The following ATG10 variants were observed in gnomAD, a reference collection of about 807,000 sequenced individuals.
ATG10 encodes autophagy related 10.
Under a neutral mutation model 32.1 loss-of-function variants are expected in ATG10, and 30 were observed. The ratio of observed to expected loss-of-function variants is 0.94; its 90% CI spans 0.70 to 1.27. The LOEUF (loss-of-function observed/expected upper bound fraction) is 1.27. ATG10 is among the 50% of genes most tolerant of loss of function. ATG10 has a pLI of 0.00. For synonymous variants in ATG10, 87 were observed against 91.5 expected (o/e 0.95, Z 0.28); for missense variants, 233 against 262.3 (o/e 0.89, Z 0.77).
chr5:81,983,590 G>A (rs1761141438), intron 1 of ATG10, among the ~76,000 whole-genome samples: 2 of 148,866 alleles, frequency 1.3e-5, no homozygotes, highest in Middle Eastern at 3.6e-3. Flanking sequence ...GGGCGGCCGG[G>A]CAGAGGCGCC....
At chr5:82,042,301 C>A (rs1295529726) in intron 2 of ATG10, among the ~76,000 whole-genome samples, 1 of 152,096 alleles carries the variant, frequency 6.6e-6, no homozygotes, top group African/African-American at 2.4e-5. Context: ...TTTAAACCAT[C>A]AGATTTTGTG....
chr5:81,972,391 G>A (rs1760747924), intron 1 of ATG10, 85 bp downstream of exon 1: 1 of 152,742 alleles, frequency 6.5e-6, no homozygotes, highest in Non-Finnish European at 1.5e-5. Flanking sequence ...AGGACAGGGA[G>A]GAAGGGCACG....
At chr5:82,182,574 G>A (rs548200962) in intron 5 of ATG10, among the ~76,000 whole-genome samples, 13 of 152,160 alleles carry the variant, frequency 8.5e-5, no homozygotes, top group African/African-American at 1.7e-4. Flanking sequence ...TCAGCAACCC[G>A]GATGAATCTT....
At chr5:82,192,979 G>A (rs576976805) in intron 5 of ATG10, among the ~76,000 whole-genome samples, 1 of 152,272 alleles carries the variant, frequency 6.6e-6, no homozygotes, top group Non-Finnish European at 1.5e-5. Flanking sequence ...TTTCTCAGGA[G>A]AGACCTTCAG....
intron 5 of ATG10, among the ~76,000 whole-genome samples, chr5:82,200,193 T>C (rs749729467): frequency 1.3e-5 from 2 of 152,166 alleles, no homozygotes; most frequent in Admixed American, 1.3e-4. Flanking sequence ...TTTTTTTTAA[T>C]GCCAGACTAT....
chr5:82,112,904 G>A (rs546915540), intron 3 of ATG10, among the ~76,000 whole-genome samples: 2 of 151,858 alleles, frequency 1.3e-5, no homozygotes, highest in South Asian at 4.2e-4. Flanking sequence ...ATCAGCCTTG[G>A]GATATCAGAT....
At position 82,177,359 on chromosome 5, in the gene ATG10, T is replaced by A. The variant is rs1744071700; in HGVS notation, c.356-1131T>A. Among the ~76,000 whole-genome samples the A allele has an allele frequency of 2.0e-5, 3 of 152,168 alleles. No homozygotes were observed. In the South Asian group the frequency reaches 6.2e-4, roughly 32 times the overall value. On this transcript the variant is annotated intron_variant, in intron 4 of 7. Coordinates refer to ENST00000282185, the MANE Select transcript of ATG10 (RefSeq NM_031482.5). ...ATACATTTCTACTTATACTTGAAAG[T>A]CTTAATACAGTGATTTTTGGAGCTC...
At chr5:82,108,096 G>A (rs984180076) in intron 3 of ATG10, among the ~76,000 whole-genome samples, 2 of 151,978 alleles carry the variant, frequency 1.3e-5, no homozygotes, top group African/African-American at 2.4e-5. Flanking sequence ...AAGTGCTTTT[G>A]AGTTTATTCT....
intron 4 of ATG10, among the ~76,000 whole-genome samples, chr5:82,172,229 A>G (rs1479318368): frequency 6.6e-6 from 1 of 152,220 alleles, no homozygotes; most frequent in Non-Finnish European, 1.5e-5. Context: ...ATGCATGTAT[A>G]ACTTTACACT....
At chr5:82,238,338 G>A (rs1246182102) in intron 5 of ATG10, among the ~76,000 whole-genome samples, 2 of 150,578 alleles carry the variant, frequency 1.3e-5, no homozygotes, top group African/African-American at 4.9e-5. Context: ...CTATTACCAC[G>A]CCCCACCCAC....
intron 2 of ATG10, among the ~76,000 whole-genome samples, chr5:82,030,104 T>A (rs1223796217): frequency 6.6e-6 from 1 of 152,150 alleles, no homozygotes; most frequent in African/African-American, 2.4e-5. Flanking sequence ...AGGCTTCTTC[T>A]GTGTAGGATG....
At chr5:82,017,384 G>A (rs1444136348) in intron 2 of ATG10, among the ~76,000 whole-genome samples, 1 of 152,002 alleles carries the variant, frequency 6.6e-6, no homozygotes, top group Non-Finnish European at 1.5e-5. Context: ...TACTGATTTG[G>A]ATGCCCTTTA....
At chr5:82,252,752 ATAT>A in intron 6 of ATG10, 93 bp downstream of exon 6, 2 of 696,406 alleles carry the variant, frequency 2.9e-6, no homozygotes, top group South Asian at 1.9e-5. Flanking sequence ...TAAAAAAGAA[ATAT>A]TAATAATAAT....
intron 3 of ATG10, among the ~76,000 whole-genome samples, chr5:82,069,845 A>G (rs1764064005): frequency 6.6e-6 from 1 of 152,212 alleles, no homozygotes; most frequent in Non-Finnish European, 1.5e-5. Context: ...ATTTTACCTT[A>G]AAGCAAAAGG....
intron 3 of ATG10, among the ~76,000 whole-genome samples, chr5:82,116,615 G>T (rs1765817854): frequency 6.6e-6 from 1 of 152,062 alleles, no homozygotes; most frequent in Non-Finnish European, 1.5e-5. Flanking sequence ...ATAAACTGCT[G>T]AGTAGAAGGT....
At chr5:82,250,070 T>C (rs1747190681) in intron 5 of ATG10, among the ~76,000 whole-genome samples, 1 of 152,246 alleles carries the variant, frequency 6.6e-6, no homozygotes, top group Non-Finnish European at 1.5e-5. Flanking sequence ...TATACCTCTT[T>C]ATTCCTTCCA....
chr5:82,181,556 A>G (rs141693040), intron 5 of ATG10, among the ~76,000 whole-genome samples: 12 of 152,230 alleles, frequency 7.9e-5, no homozygotes, highest in Non-Finnish European at 1.6e-4. Flanking sequence ...GAGGGGGAGA[A>G]GATGATACAG....
intron 2 of ATG10, among the ~76,000 whole-genome samples, chr5:82,000,103 A>G (rs1206364444): frequency 6.6e-6 from 1 of 152,224 alleles, no homozygotes; most frequent in East Asian, 1.9e-4. Flanking sequence ...CAGCACATCA[A>G]AAAGCTAATC....
chr5:82,241,876 C>T (rs1321119911), intron 5 of ATG10, among the ~76,000 whole-genome samples: 3 of 151,962 alleles, frequency 2.0e-5, no homozygotes, highest in Admixed American at 1.3e-4. Context: ...TTTCTAAACA[C>T]AGGCTTACCC....
Sources: allele counts gnomAD v4.1 joint callset (sites outside exome capture counted in the v4.1 genomes callset), GRCh38; gene constraint gnomAD v4.1.1; transcripts MANE v1.5; gene names NCBI Gene and HGNC (gene_info 2026-07-23, HGNC 2026-07-21).